API5: variants seen among roughly 807,000 people sequenced by gnomAD.
API5 encodes the protein apoptosis inhibitor 5.
A neutral mutation model predicts 71.9 loss-of-function variants in API5; 6 were observed. That is an observed-to-expected ratio of 0.08 (90% CI 0.05 to 0.16). API5 has a LOEUF of 0.16. Ranked by LOEUF, API5 falls within the 10% of genes least tolerant of loss-of-function variation. The pLI is 1.00. For synonymous variants in API5, 189 were observed against 221.3 expected (o/e 0.85, Z 1.30); for missense variants, 332 against 612.8 (o/e 0.54, Z 4.84).
At chr11:43,323,670 C>T (rs1565104176) in intron 6 of API5, 34 bp downstream of exon 6, 2 of 1,573,092 alleles carry the variant, frequency 1.3e-6, no homozygotes, top group Non-Finnish European at 8.7e-7. Context: ...CCGGTATTAG[C>T]TATATATATA....
chr11:43,321,776 G>A (rs770943732), intron 4 of API5, among the ~76,000 whole-genome samples: 1 of 152,172 alleles, frequency 6.6e-6, no homozygotes, highest in Non-Finnish European at 1.5e-5. Flanking sequence ...AAAAAGGAAA[G>A]TCATGCTTAA....
At chr11:43,336,796 C>G (rs1590271121) in intron 13 of API5, among the ~76,000 whole-genome samples, 1 of 151,988 alleles carries the variant, frequency 6.6e-6, no homozygotes, top group East Asian at 1.9e-4. Context: ...ATCACGAGGT[C>G]AGGAGGTCGA....
In API5 at chr11:43,312,186, A is replaced by T. The variant is rs1854495518; in HGVS notation, c.59A>T (p.Gln20Leu). The T allele has an allele frequency of 6.2e-7, 1 of 1,613,884 alleles. No homozygotes were observed. Among genetic ancestry groups the T allele is most frequent in the Non-Finnish European group, 8.5e-7 (1 of 1,179,876 alleles). Residue 20 changes from glutamine (Q) to leucine (L), a missense_variant, in exon 1 of 14, where the codon CAA (glutamine) becomes CTA (leucine). Around this residue, in one of 3 missense-constraint regions of API5, gnomAD observed 127 missense variants for 237.6 expected, o/e 0.53. Coordinates refer to ENST00000531273, the MANE Select transcript of API5 (RefSeq NM_001142930.2). ...GGCATCCTGGCCGATGCCACGGAGC[A>T]AGTGGGCCAGGTGAGTTGAGTCCCC... ...NYGILADATE[Q>L]VGQHKDAYQV...
chr11:43,329,458 G>C (rs891732951), intron 9 of API5: 6 of 154,624 alleles, frequency 3.9e-5, no homozygotes, highest in African/African-American at 1.2e-4. Flanking sequence ...TCTTGGGCAG[G>C]TACCCTAACC....
chr11:43,320,993 A>C (rs1312735443), intron 3 of API5, 79 bp downstream of exon 3: 1 of 1,234,878 alleles, frequency 8.1e-7, no homozygotes, highest in East Asian at 2.4e-5. Flanking sequence ...TAGGTTTTAA[A>C]TGGGGTGCAG....
chr11:43,326,366 A>G, intron 6 of API5, 141 bp from the exon 7 acceptor site: 1 of 542,602 alleles, frequency 1.8e-6, no homozygotes, highest in Non-Finnish European at 3.3e-6. Flanking sequence ...TATCTGGGGC[A>G]TGCTGGGGTG....
chr11:43,321,095 GTGT>G (rs1283345617), intron 3 of API5, among the ~76,000 whole-genome samples, 181 bp downstream of exon 3: 16 of 152,018 alleles, frequency 1.1e-4, no homozygotes, highest in African/African-American at 3.6e-4. Flanking sequence ...CTAATTCCTG[GTGT>G]TGTTTTGTTT....
intron 11 of API5, chr11:43,331,502 A>G: frequency 4.3e-6 from 1 of 231,764 alleles, no homozygotes; most frequent in Non-Finnish European, 8.5e-6. Context: ...TATTATAAAG[A>G]AGAGAAAATA....
intron 11 of API5, among the ~76,000 whole-genome samples, 196 bp from the exon 12 acceptor site, chr11:43,335,079 TTTG>T (rs1214654412): frequency 4.6e-5 from 7 of 152,150 alleles, no homozygotes; most frequent in South Asian, 2.1e-4. Flanking sequence ...TACACTACAG[TTTG>T]TTATGTGCAC....
chr11:43,323,710 C>G (rs1854972244), intron 6 of API5, 74 bp downstream of exon 6: 2 of 1,405,888 alleles, frequency 1.4e-6, no homozygotes, highest in African/African-American at 1.4e-5. Flanking sequence ...TAACATTCCC[C>G]TTAAACCTTT....
chr11:43,340,006 C>T (rs960690788), intron 13 of API5, among the ~76,000 whole-genome samples: 2 of 152,046 alleles, frequency 1.3e-5, no homozygotes, highest in Non-Finnish European at 2.9e-5. Flanking sequence ...AAATTGTTCT[C>T]TATGCAGATG....
chr11:43,337,210 C>T (rs1016296553), intron 13 of API5, among the ~76,000 whole-genome samples: 2 of 151,926 alleles, frequency 1.3e-5, no homozygotes, highest in Admixed American at 1.3e-4. Context: ...CTTATAGTCC[C>T]AGCTACTCAG....
intron 11 of API5, among the ~76,000 whole-genome samples, chr11:43,334,076 A>T (rs1437329825): frequency 2.6e-5 from 4 of 152,158 alleles, no homozygotes; most frequent in Non-Finnish European, 5.9e-5. Context: ...AACTGTATAT[A>T]TTACATAGTA....
rs1293220609 is a variant in API5 at position 43,328,748 on chromosome 11, G to A, written c.982G>A (p.Gly328Arg). The A allele has an allele frequency of 6.2e-7, 1 of 1,613,744 alleles. No homozygotes were observed. Among genetic ancestry groups the A allele is most frequent in the East Asian group, 2.2e-5 (1 of 44,894 alleles). Residue 328 changes from glycine (G) to arginine (R), a missense_variant, in exon 9 of 14, where the codon GGA (glycine) becomes AGA (arginine). By Grantham distance (125) the Gly-to-Arg change is moderately radical. This residue lies in a region of API5 where 168 missense variants were observed against 343.9 expected (regional missense o/e 0.49). Transcript: ENST00000531273. ...CCTCCCTCCAGAAGAGGCAGAAAAT[G>A]GAGAGAATGCTGGTAATGAAGAACC... is the stretch of plus-strand genomic sequence containing the variant. ...MPLPPEEAEN[G>R]ENAGNEEPKL...
intron 2 of API5, 146 bp downstream of exon 2, chr11:43,318,947 T>A: frequency 1.4e-6 from 1 of 707,290 alleles, no homozygotes; most frequent in Non-Finnish European, 2.2e-6. Flanking sequence ...GGCTTAAATT[T>A]ACATATGATA....
chr11:43,316,292 G>A (rs1854666888), intron 1 of API5, among the ~76,000 whole-genome samples: 1 of 152,034 alleles, frequency 6.6e-6, no homozygotes, highest in Non-Finnish European at 1.5e-5. Flanking sequence ...CTCAGTCCCT[G>A]GTAGACCTTC....
At chr11:43,318,601 C>T in intron 1 of API5, 39 bp from the exon 2 acceptor site, 1 of 1,603,866 alleles carries the variant, frequency 6.2e-7, no homozygotes. Flanking sequence ...TCCCATCCTT[C>T]AAAATCATGT....
intron 1 of API5, among the ~76,000 whole-genome samples, chr11:43,316,981 T>C (rs1437244381): frequency 3.3e-5 from 5 of 152,230 alleles, no homozygotes; most frequent in African/African-American, 9.6e-5. Flanking sequence ...CATCCTGCTT[T>C]ATTTTTTCAC....
chr11:43,333,333 A>G (rs1855320499), intron 11 of API5, among the ~76,000 whole-genome samples: 1 of 152,236 alleles, frequency 6.6e-6, no homozygotes, highest in Non-Finnish European at 1.5e-5. Flanking sequence ...GGTCCAATTA[A>G]AAGAGTTTAT....
Sources: gnomAD v4.1 joint callset for allele counts (sites outside exome capture counted in the v4.1 genomes callset) on GRCh38, gnomAD v4.1.1 for gene constraint, gnomAD v4.1.1 regional missense constraint, MANE v1.5 for transcripts, NCBI Gene and HGNC (gene_info 2026-07-23, HGNC 2026-07-21) for gene names.